ELAVL1: variants seen among roughly 807,000 people sequenced by gnomAD.
ELAVL1 encodes the protein ELAV like RNA binding protein 1, also known as ELAV-like protein 1.
ELAVL1 carries 1 observed loss-of-function variant against 28.4 expected under a neutral mutation model. That is an observed-to-expected ratio of 0.04 (90% CI 0.01 to 0.17). ELAVL1 has a LOEUF of 0.17. Ranked by LOEUF, ELAVL1 falls within the 10% of genes least tolerant of loss-of-function variation. The pLI is 1.00. For synonymous variants in ELAVL1, 174 were observed against 183.5 expected, an observed-to-expected ratio of 0.95 and a Z score of 0.42; for missense variants, 157 against 447.2, an observed-to-expected ratio of 0.35 and a Z score of 5.85.
chr19:7,994,316 T>C (rs575033910), intron 1 of ELAVL1, among the ~76,000 whole-genome samples: 2 of 152,316 alleles, frequency 1.3e-5, no homozygotes, highest in African/African-American at 4.8e-5. Context: ...GGGGTGCTAC[T>C]GACACCTGGT....
intron 1 of ELAVL1, among the ~76,000 whole-genome samples, chr19:7,994,682 T>C (rs1378472637): frequency 2.0e-5 from 3 of 152,218 alleles, no homozygotes; most frequent in East Asian, 1.9e-4. Context: ...GAGTATGAGA[T>C]GGTAGAACCT....
At chr19:7,970,564 A>G (rs1205554217) in intron 4 of ELAVL1, among the ~76,000 whole-genome samples, 1 of 152,214 alleles carries the variant, frequency 6.6e-6, no homozygotes, top group Non-Finnish European at 1.5e-5. Context: ...TACAGGCGTG[A>G]GCCACGGCCC....
At position 7,996,672 on chromosome 19, in the gene ELAVL1, G is replaced by T. The variant is rs545406355; in HGVS notation, c.-16-4841C>A. On this transcript the variant is annotated intron_variant, in intron 1 of 5. Transcript: ENST00000407627. ...ATACAACAAAAAAAAAATTAGCAAG[G>T]CGTGGTGGTGGGCATCTGTAATCTC... Among the ~76,000 whole-genome samples, 184 of 152,086 alleles carry T rather than the reference G, an allele frequency of 1.2e-3. 1 individual carries two copies. The highest frequency in any genetic ancestry group is 2.4e-3 in the Non-Finnish European group (161 of 67,990).
intron 5 of ELAVL1, among the ~76,000 whole-genome samples, chr19:7,966,490 C>T (rs901621771): frequency 2.6e-5 from 4 of 152,216 alleles, no homozygotes; most frequent in African/African-American, 9.6e-5. Flanking sequence ...ACAAATGACT[C>T]CACGAGGCAG....
chr19:7,991,280 G>A (rs748669667), intron 2 of ELAVL1, among the ~76,000 whole-genome samples: 6 of 152,142 alleles, frequency 3.9e-5, no homozygotes, highest in Non-Finnish European at 7.4e-5. Flanking sequence ...CAGTACACTC[G>A]CCAGGGTCCC....
chr19:7,967,518 A>G, intron 5 of ELAVL1, 47 bp downstream of exon 5: 1 of 1,590,578 alleles, frequency 6.3e-7, no homozygotes, highest in Non-Finnish European at 8.6e-7. Flanking sequence ...GTCGCCTGCC[A>G]GCGGGGCTAA....
intron 4 of ELAVL1, among the ~76,000 whole-genome samples, chr19:7,969,635 C>A (rs1307930146): frequency 2.6e-5 from 4 of 152,160 alleles, no homozygotes; most frequent in African/African-American, 7.2e-5. Context: ...GTCTTGGAAA[C>A]CTAAATGAAA....
chr19:7,991,930 T>TTA, intron 1 of ELAVL1, 99 bp from the exon 2 acceptor site: 41 of 1,003,682 alleles, frequency 4.1e-5, no homozygotes, highest in Non-Finnish European at 5.0e-5. Flanking sequence ...TTTTCTTTCT[T>TTA]TCTTTTTTTT....
intron 1 of ELAVL1, among the ~76,000 whole-genome samples, chr19:7,997,332 C>T (rs977156252): frequency 1.3e-5 from 2 of 152,172 alleles, no homozygotes; most frequent in Non-Finnish European, 2.9e-5. Context: ...AACTGGGATA[C>T]ACCATACAAC....
chr19:7,977,077 G>T (rs1985317920), intron 3 of ELAVL1, among the ~76,000 whole-genome samples: 1 of 152,216 alleles, frequency 6.6e-6, no homozygotes, highest in African/African-American at 2.4e-5. Context: ...AGCACTCAGA[G>T]CAGCCTCAGG....
chr19:7,984,764 T>A (rs1184138063), intron 2 of ELAVL1, among the ~76,000 whole-genome samples: 1 of 152,134 alleles, frequency 6.6e-6, no homozygotes, highest in Non-Finnish European at 1.5e-5. Flanking sequence ...GGTGCCCTGG[T>A]TTCCACCCGC....
chr19:7,971,126 A>C (rs941302837), intron 4 of ELAVL1, among the ~76,000 whole-genome samples: 1 of 152,214 alleles, frequency 6.6e-6, no homozygotes, highest in Non-Finnish European at 1.5e-5. Context: ...CTGGGGGCGC[A>C]ATACTAAGGT....
At chr19:7,968,062 T>G (rs564353288) in intron 4 of ELAVL1, among the ~76,000 whole-genome samples, 1 of 152,174 alleles carries the variant, frequency 6.6e-6, no homozygotes, top group Non-Finnish European at 1.5e-5. Context: ...ACATCCCCAA[T>G]AGACACCCAG....
At chr19:8,003,355 C>CAAAAAAAAAAAAAAAAAAAAA (rs71165248) in intron 1 of ELAVL1, among the ~76,000 whole-genome samples, 1 of 61,092 alleles carries the variant, frequency 1.6e-5, no homozygotes, top group Non-Finnish European at 2.7e-5. Context: ...GAAACTGTCT[C>CAAAAAAAAAAAAAAAAAAAAA]AAAAAAAAAA....
chr19:7,983,898 C>T (rs565388239), intron 2 of ELAVL1, among the ~76,000 whole-genome samples: 12 of 152,058 alleles, frequency 7.9e-5, no homozygotes, highest in Non-Finnish European at 1.3e-4. Flanking sequence ...CCTGAGCTTT[C>T]GGCAGCTCAG....
chr19:7,968,284 C>A (rs1336475912), intron 4 of ELAVL1, among the ~76,000 whole-genome samples: 1 of 152,160 alleles, frequency 6.6e-6, no homozygotes, highest in Non-Finnish European at 1.5e-5. Context: ...CAGCAGGCCT[C>A]GTGGCCGAGC....
At chr19:8,002,458 T>G (rs1006497932) in intron 1 of ELAVL1, among the ~76,000 whole-genome samples, 25 of 152,242 alleles carry the variant, frequency 1.6e-4, no homozygotes, top group African/African-American at 6.0e-4. Context: ...GGGAGAGTCG[T>G]TCAGAGGAGG....
At chr19:7,969,570 C>G (rs537824769) in intron 4 of ELAVL1, among the ~76,000 whole-genome samples, 2 of 152,178 alleles carry the variant, frequency 1.3e-5, no homozygotes, top group South Asian at 4.1e-4. Context: ...AAAACACAAC[C>G]CTGACAGATG....
intron 4 of ELAVL1, among the ~76,000 whole-genome samples, chr19:7,970,496 G>T (rs1281003654): frequency 6.6e-6 from 1 of 151,728 alleles, no homozygotes; most frequent in Non-Finnish European, 1.5e-5. Flanking sequence ...GGCCAGGCAG[G>T]TCTCGAACTG....
Sources: allele counts gnomAD v4.1 joint callset (sites outside exome capture counted in the v4.1 genomes callset), GRCh38; gene constraint gnomAD v4.1.1; transcripts MANE v1.5; gene names NCBI Gene and HGNC (gene_info 2026-07-23, HGNC 2026-07-21).